The following HIKESHI variants were observed in gnomAD, a reference collection of about 807,000 sequenced individuals.
The protein encoded by HIKESHI is heat shock protein nuclear import factor hikeshi.
In HIKESHI, 13 loss-of-function variants were observed where a neutral mutation model predicts 25.7. The ratio of observed to expected loss-of-function variants is 0.51; its 90% confidence interval spans 0.33 to 0.80. HIKESHI has a LOEUF of 0.80. Among genes scored for constraint, HIKESHI ranks in the 30% least tolerant of loss-of-function variants. The pLI is 0.02. For synonymous variants in HIKESHI, 76 were observed against 78.7 expected (o/e 0.97, Z 0.18); for missense variants, 174 against 229.5 (o/e 0.76, Z 1.56).
Position 86,306,318 on chromosome 11 carries a change from A to G in HIKESHI, c.104A>G (p.His35Arg). 1.9e-6 allele frequency: 3 copies of G among 1,614,064 alleles called. No homozygotes were observed. The highest frequency in any genetic ancestry group is 1.1e-5 in the South Asian group (1 of 91,074). The change falls in exon 2 of 5, where the codon CAT becomes CGT. Residue 35 changes from histidine to arginine, a missense_variant. Transcript: ENST00000278483. The stretch of plus-strand genomic sequence containing the variant: ...TTACCTGATTATGAAAGTATCAACC[A>G]TGTTGTGGTTTTTATGCTGGGAACA... ...FDLPDYESINHVVVFMLGTIP... is the reference protein window; with the variant it reads ...FDLPDYESINRVVVFMLGTIP...
rs1450834158 is a variant in HIKESHI at position 86,306,415 on chromosome 11, G to T, written c.201G>T (p.Trp67Cys). The T allele has an allele frequency of 2.5e-6, 4 of 1,613,984 alleles. No individual in the cohort carries two copies. The Admixed American group carries it at 6.7e-5, about 27-fold the overall frequency. ...SYPDSNGMPV[W>C]QLLGFVTNGK... ...CTGATTCAAATGGAATGCCAGTATGGCAACTCCTAGGATTTGTCACGAATG... is the reference window on the plus strand; with the variant it reads ...CTGATTCAAATGGAATGCCAGTATGTCAACTCCTAGGATTTGTCACGAATG... The change falls in exon 2 of 5, where the codon TGG becomes TGT. Residue 67 changes from tryptophan (W) to cysteine (C), a missense_variant. Coordinates refer to ENST00000278483, the MANE Select transcript of HIKESHI (RefSeq NM_016401.4).
chr11:86,326,558 G>A (rs1947287484), intron 2 of HIKESHI: 1 of 456,008 alleles, frequency 2.2e-6, no homozygotes, highest in Non-Finnish European at 4.4e-6. Context: ...ACATCTGCAT[G>A]TGTGTGTGAA....
intron 3 of HIKESHI, among the ~76,000 whole-genome samples, chr11:86,341,582 ACTCCTGGG>A (rs1236621271): frequency 6.6e-6 from 1 of 151,288 alleles, no homozygotes; most frequent in Non-Finnish European, 1.5e-5. Context: ...GCAGCCTCAA[ACTCCTGGG>A]CTCCCACTAG....
At chr11:86,326,874 A>C (rs1277596178) in intron 2 of HIKESHI, among the ~76,000 whole-genome samples, 1 of 152,178 alleles carries the variant, frequency 6.6e-6, no homozygotes, top group South Asian at 2.1e-4. Flanking sequence ...ATGGATGATC[A>C]TGCTAATGTG....
chr11:86,333,059 A>G (rs1237041386), intron 2 of HIKESHI, among the ~76,000 whole-genome samples: 5 of 152,248 alleles, frequency 3.3e-5, no homozygotes. Context: ...ACAGAGGAAG[A>G]AGTTTCACAA....
Position 86,306,436 on chromosome 11 carries a change from G to C in HIKESHI, c.222G>C (p.Thr74=). The C allele has an allele frequency of 1.9e-6, 3 of 1,613,594 alleles. No homozygotes were observed. Among genetic ancestry groups the C allele is most frequent in the Non-Finnish European group, 2.5e-6 (3 of 1,179,618 alleles). The change falls in exon 2 of 5, where the codon ACG becomes ACC. Residue 74 remains threonine, a synonymous_variant. Transcript: ENST00000278483. ...TATGGCAACTCCTAGGATTTGTCACGAATGGGAAGCCAAGTGCCATCTTCA... is the reference window on the plus strand; with the variant it reads ...TATGGCAACTCCTAGGATTTGTCACCAATGGGAAGCCAAGTGCCATCTTCA... ...MPVWQLLGFV[T]NGKPSAIFKI...
intron 3 of HIKESHI, among the ~76,000 whole-genome samples, chr11:86,340,454 T>A (rs896762086): frequency 6.6e-6 from 1 of 152,222 alleles, no homozygotes; most frequent in African/African-American, 2.4e-5. Flanking sequence ...CTAACTGTTG[T>A]GAAATGGTAT....
chr11:86,335,457 C>T (rs929928581), intron 2 of HIKESHI, among the ~76,000 whole-genome samples: 2 of 152,234 alleles, frequency 1.3e-5, no homozygotes, highest in Admixed American at 1.3e-4. Flanking sequence ...TACGTGCATT[C>T]CCAGAGCTTT....
chr11:86,319,218 AT>A (rs1172744179), intron 2 of HIKESHI, among the ~76,000 whole-genome samples: 1 of 91,452 alleles, frequency 1.1e-5, no homozygotes, highest in Non-Finnish European at 2.1e-5. Context: ...TGGCTTAAAA[AT>A]ATATATATAT....
intron 2 of HIKESHI, among the ~76,000 whole-genome samples, chr11:86,307,130 A>G (rs1304022525): frequency 8.4e-6 from 1 of 119,298 alleles, no homozygotes; most frequent in Non-Finnish European, 1.7e-5. Flanking sequence ...TATGTATAAT[A>G]TACATCATAT....
chr11:86,312,030 T>G (rs1490871564), intron 2 of HIKESHI, among the ~76,000 whole-genome samples: 2 of 152,208 alleles, frequency 1.3e-5, no homozygotes, highest in East Asian at 3.8e-4. Flanking sequence ...GAAGAATGTA[T>G]ATTCTGTTGA....
At chr11:86,320,176 T>C (rs561780462) in intron 2 of HIKESHI, among the ~76,000 whole-genome samples, 1 of 152,384 alleles carries the variant, frequency 6.6e-6, no homozygotes, top group Admixed American at 6.5e-5. Flanking sequence ...TTGATTTATA[T>C]ATGATGTATT....
chr11:86,314,013 C>A (rs895002372), intron 2 of HIKESHI, among the ~76,000 whole-genome samples: 3 of 152,204 alleles, frequency 2.0e-5, no homozygotes, highest in African/African-American at 7.2e-5. Flanking sequence ...CACTGACTCA[C>A]TGGGAATGTA....
In HIKESHI at chr11:86,323,183, A is replaced by G. The variant is rs575028360; in HGVS notation, c.269-14196A>G. ...GAGGCAGAGGTTACAGTGATCTGCA[A>G]TCATACCATTGCACTCCAGCCTGGG... On this transcript the variant is annotated intron_variant, in intron 2 of 4. Coordinates refer to ENST00000278483, the MANE Select transcript of HIKESHI (RefSeq NM_016401.4). Among the ~76,000 whole-genome samples, 9 of 152,256 alleles carry G rather than the reference A, an allele frequency of 5.9e-5. No individual in the cohort carries two copies. In the South Asian group the frequency reaches 1.2e-3, roughly 21 times the overall value.
chr11:86,314,169 G>A (rs540596299), intron 2 of HIKESHI, among the ~76,000 whole-genome samples: 1 of 152,282 alleles, frequency 6.6e-6, no homozygotes, highest in East Asian at 1.9e-4. Context: ...AACTGCTCTT[G>A]TAGGTGTAGA....
intron 2 of HIKESHI, among the ~76,000 whole-genome samples, chr11:86,312,883 G>A (rs1466042530): frequency 1.3e-5 from 2 of 152,088 alleles, no homozygotes; most frequent in African/African-American, 4.8e-5. Flanking sequence ...TTGAATATTG[G>A]CCCCCACTCT....
At chr11:86,332,275 T>A (rs928172332) in intron 2 of HIKESHI, among the ~76,000 whole-genome samples, 1 of 152,098 alleles carries the variant, frequency 6.6e-6, no homozygotes, top group African/African-American at 2.4e-5. Context: ...GTAACTGTTT[T>A]CTTTAGTCCT....
Position 86,313,188 on chromosome 11 carries a change from C to G in HIKESHI, c.268+6706C>G, listed in dbSNP as rs74913839. Reference sequence around the variant, plus strand: ...TTGAATCTCTGGTTCCCTTGAAAATCTAGATGAAGACAGACCTGAAATTTC... The same window carrying G: ...TTGAATCTCTGGTTCCCTTGAAAATGTAGATGAAGACAGACCTGAAATTTC... On this transcript the variant is annotated intron_variant, in intron 2 of 4. Transcript: ENST00000278483. 5.1e-3 allele frequency among the ~76,000 whole-genome samples: 780 copies of G among 152,270 alleles called. 3 individuals carry two copies. The highest frequency in any genetic ancestry group is 0.012 in the South Asian group (60 of 4,820).
chr11:86,335,927 G>A (rs1320937984), intron 2 of HIKESHI, among the ~76,000 whole-genome samples: 1 of 152,150 alleles, frequency 6.6e-6, no homozygotes, highest in Non-Finnish European at 1.5e-5. Context: ...CAGAGGAAAC[G>A]AACAGAAACT....
Sources: gnomAD v4.1 joint callset for allele counts (sites outside exome capture counted in the v4.1 genomes callset) on GRCh38, gnomAD v4.1.1 for gene constraint, MANE v1.5 for transcripts, NCBI Gene and HGNC (gene_info 2026-07-23, HGNC 2026-07-21) for gene names.